SYNPO: variants seen among roughly 807,000 people sequenced by gnomAD.
SYNPO encodes the protein synaptopodin.
A neutral mutation model predicts 49.5 loss-of-function variants in SYNPO; 19 were observed. The observed-to-expected ratio is 0.38, with a 90% CI of 0.27 to 0.56. SYNPO has a LOEUF of 0.56. Ranked by LOEUF, SYNPO falls within the 20% of genes least tolerant of loss-of-function variation. SYNPO has a pLI of 0.68. For synonymous variants in SYNPO, 536 were observed against 548.0 expected (o/e 0.98, Z 0.31); for missense variants, 1,131 against 1,248.3 (o/e 0.91, Z 1.42).
exon 2 of SYNPO, chr5:150,618,596 C>G: frequency 6.4e-7 from 1 of 1,551,366 alleles, no homozygotes. Flanking sequence ...CCAGGGGACA[C>G]CGCAGCTGCC....
chr5:150,605,608 C>G (rs1450588628), intron 1 of SYNPO, among the ~76,000 whole-genome samples: 1 of 151,996 alleles, frequency 6.6e-6, no homozygotes, highest in African/African-American at 2.4e-5. Context: ...TAAAGGGGAC[C>G]GGAAAGGAGA....
At chr5:150,586,148 C>A in the SYNPO span, among the ~76,000 whole-genome samples, 1 of 152,340 alleles carries the variant, frequency 6.6e-6, no homozygotes, top group East Asian at 1.9e-4. Context: ...AGGCTCCCCT[C>A]GGCCTTGGCA....
chr5:150,602,997 G>GGGGGTGT (rs1554106602), intron 1 of SYNPO, among the ~76,000 whole-genome samples: 29 of 131,252 alleles, frequency 2.2e-4, no homozygotes, highest in African/African-American at 8.6e-4. Context: ...GCCACCTTAG[G>GGGGGTGT]GTGTGTGTGT....
At chr5:150,638,375 C>T (rs1049933093), upstream of SYNPO, among the ~76,000 whole-genome samples, 34 of 152,206 alleles carry the variant, frequency 2.2e-4, no homozygotes, top group Middle Eastern at 3.2e-3. Context: ...CTTCTCCTCC[C>T]ACTCCCAGGA....
chr5:150,602,209 A>C (rs1458790378), intron 1 of SYNPO, among the ~76,000 whole-genome samples: 4 of 152,114 alleles, frequency 2.6e-5, no homozygotes, highest in Non-Finnish European at 5.9e-5. Flanking sequence ...TTAAGGAATG[A>C]GCCTTACTGG....
At chr5:150,637,111 G>A (rs1038538847), upstream of SYNPO, among the ~76,000 whole-genome samples, 1 of 152,188 alleles carries the variant, frequency 6.6e-6, no homozygotes, top group African/African-American at 2.4e-5. Context: ...ATTTACTGAA[G>A]GTAGCCCAGC....
the SYNPO span, among the ~76,000 whole-genome samples, chr5:150,590,231 G>A: frequency 6.6e-6 from 1 of 152,232 alleles, no homozygotes; most frequent in Non-Finnish European, 1.5e-5. Flanking sequence ...GGATCAAGAG[G>A]TGAATGAGGC....
Position 150,648,037 on chromosome 5 carries a change from G to A in SYNPO, c.-239G>A, listed in dbSNP as rs1758170227. The A allele has an allele frequency of 1.3e-6, 2 of 1,551,840 alleles. No homozygotes were observed. The highest frequency in any genetic ancestry group is 2.4e-5 in the East Asian group (1 of 41,034). Reference sequence around the variant, plus strand: ...GCAGCCCAGCTGACCACCCCTCCCAGCTCCAATTCCCGTGGCGTCCAGCTC... The same window carrying A: ...GCAGCCCAGCTGACCACCCCTCCCAACTCCAATTCCCGTGGCGTCCAGCTC... On this transcript the variant is annotated 5_prime_UTR_variant, in exon 2 of 3. Coordinates refer to ENST00000307662, the MANE Select transcript of SYNPO (RefSeq NM_007286.6). This position sits in a 1 kb window ranked among gnomAD's most constrained non-coding sequence, Gnocchi z 5.0.
At chr5:150,609,629 C>G (rs1423343925) in intron 1 of SYNPO, among the ~76,000 whole-genome samples, 1 of 152,202 alleles carries the variant, frequency 6.6e-6, no homozygotes, top group African/African-American at 2.4e-5. Flanking sequence ...GTCCTTGAAC[C>G]CTTTCTGCAA....
At position 150,656,612 on chromosome 5, in the gene SYNPO, C is replaced by T; in HGVS notation, c.2237C>T (p.Ala746Val). 1 of 1,513,120 alleles carries T rather than the reference C, an allele frequency of 6.6e-7. No individual in the cohort carries two copies. Among genetic ancestry groups the T allele is most frequent in the Non-Finnish European group, 8.8e-7 (1 of 1,138,224 alleles). 93.7% of individuals were successfully genotyped at this position (1,513,120 alleles called of 1,614,324 possible). Residue 746 changes from alanine to valine, a missense_variant, in exon 3 of 3, where the codon GCG (alanine) becomes GTG (valine). Physicochemically the swap from Ala to Val is moderately conservative, Grantham distance 64. This residue lies in a region of SYNPO where 509 missense variants were observed against 484.5 expected (regional missense o/e 1.05). Coordinates refer to ENST00000307662, the MANE Select transcript of SYNPO (RefSeq NM_007286.6). ...TCCCCGCTGCGACCTGAGACCGAGG[C>T]GCGGCCCCCCAGCCGCCAGCTGCAG... ...SVSPLRPETE[A>V]RPPSRQLQAL...
intron 1 of SYNPO, among the ~76,000 whole-genome samples, chr5:150,604,166 A>G (rs1756628087): frequency 6.6e-6 from 1 of 152,238 alleles, no homozygotes; most frequent in Non-Finnish European, 1.5e-5. Flanking sequence ...CCCAAGGCCA[A>G]GGGCAAACAG....
Position 150,646,949 on chromosome 5 carries a change from A to G in SYNPO, c.-332-995A>G, listed in dbSNP as rs117396785. ...TCTAGGGGCTGTTGTTAGAGTGATA[A>G]ACAAGTCAGGTGGCCGGGCACGGTG... On this transcript the variant is annotated intron_variant, in intron 1 of 2. Transcript: ENST00000307662. Among the ~76,000 whole-genome samples the G allele has an allele frequency of 8.9e-4, 136 of 152,226 alleles. 3 individuals are homozygous for G. In the East Asian group the frequency reaches 0.024, roughly 27 times the overall value.
At chr5:150,633,020 T>C (rs138163603) in intron 2 of SYNPO, among the ~76,000 whole-genome samples, 6 of 152,186 alleles carry the variant, frequency 3.9e-5, no homozygotes, top group African/African-American at 1.4e-4. Context: ...AAATGACTCA[T>C]GAAATACCAT....
chr5:150,632,322 G>A (rs556426977), intron 2 of SYNPO, among the ~76,000 whole-genome samples: 11 of 152,104 alleles, frequency 7.2e-5, no homozygotes, highest in Non-Finnish European at 1.5e-4. Flanking sequence ...TAATTTCCAT[G>A]TACTTTAAAT....
At chr5:150,590,771 G>A in the SYNPO span, among the ~76,000 whole-genome samples, 2 of 152,212 alleles carry the variant, frequency 1.3e-5, no homozygotes, top group Admixed American at 1.3e-4. Context: ...CACGGTGCCT[G>A]ACACGTGAAG....
intron 2 of SYNPO, among the ~76,000 whole-genome samples, chr5:150,621,812 T>G (rs571969534): frequency 1.3e-5 from 2 of 151,982 alleles, no homozygotes; most frequent in African/African-American, 4.8e-5. Flanking sequence ...GGATAGAGGG[T>G]ACAGAGAGAT....
chr5:150,617,683 G>A (rs1364199439), intron 1 of SYNPO: 3 of 152,100 alleles, frequency 2.0e-5, no homozygotes, highest in East Asian at 1.9e-4. Context: ...TGATTCCTGT[G>A]GTGTAGGTAC....
chr5:150,606,024 T>G (rs945862166), intron 1 of SYNPO, among the ~76,000 whole-genome samples: 2 of 151,758 alleles, frequency 1.3e-5, no homozygotes, highest in African/African-American at 4.8e-5. Context: ...AAATGCCACA[T>G]AGAAACACGT....
chr5:150,635,404 G>A (rs991031944), intron 2 of SYNPO, among the ~76,000 whole-genome samples: 1 of 152,262 alleles, frequency 6.6e-6, no homozygotes, highest in Non-Finnish European at 1.5e-5. Context: ...GTGTATGTGT[G>A]TGTGTATGGA....
Sources: gnomAD v4.1 joint callset for allele counts (sites outside exome capture counted in the v4.1 genomes callset) on GRCh38, gnomAD v4.1.1 for gene constraint, gnomAD v4.1.1 regional missense constraint, Gnocchi (gnomAD v3.1) non-coding constraint, MANE v1.5 for transcripts, NCBI Gene and HGNC (gene_info 2026-07-23, HGNC 2026-07-21) for gene names.